The following AK5 variants were observed in gnomAD, a reference collection of about 807,000 sequenced individuals.
The protein encoded by AK5 is adenylate kinase 5.
In AK5, 27 loss-of-function variants were observed where a neutral mutation model predicts 69.5. The ratio of observed to expected loss-of-function variants is 0.39; its 90% CI spans 0.29 to 0.54. The LOEUF is 0.54. Among genes scored for constraint, AK5 ranks in the 20% least tolerant of loss-of-function variants. The pLI is 0.71. For synonymous variants in AK5, 260 were observed against 244.4 expected (o/e 1.06, Z -0.60); for missense variants, 531 against 700.4 (o/e 0.76, Z 2.73).
chr1:77,282,451 C>G (rs953160948), intron 1 of AK5, 78 bp downstream of exon 1: 2 of 1,489,770 alleles, frequency 1.3e-6, no homozygotes, highest in Non-Finnish European at 1.8e-6. Context: ...AGCCGCGCCC[C>G]GTCCCACCTT....
At chr1:77,502,324 T>G (rs886671790) in intron 10 of AK5, among the ~76,000 whole-genome samples, 4 of 152,176 alleles carry the variant, frequency 2.6e-5, no homozygotes, top group Non-Finnish European at 4.4e-5. Context: ...CCTTATGTCC[T>G]AAGCCCATTA....
intron 6 of AK5, among the ~76,000 whole-genome samples, chr1:77,391,293 T>A (rs115868278): frequency 0.013 from 1,999 of 151,626 alleles, 12 homozygotes; most frequent in Middle Eastern, 0.024. Flanking sequence ...AGTGAGCTCT[T>A]AGCTCTTAGC....
At chr1:77,408,403 A>T (rs4342893) in intron 6 of AK5, among the ~76,000 whole-genome samples, 13,614 of 151,936 alleles carry the variant, frequency 0.09, 825 homozygotes, top group African/African-American at 0.16. Context: ...GCATTTTTTC[A>T]TGTTTTTTGG....
At chr1:77,486,165 T>C in intron 9 of AK5, 143 bp from the exon 10 acceptor site, 1 of 589,206 alleles carries the variant, frequency 1.7e-6, no homozygotes, top group South Asian at 1.7e-5. Flanking sequence ...TGCCTACTAA[T>C]TGTAGCCTAT....
intron 10 of AK5, among the ~76,000 whole-genome samples, chr1:77,490,048 G>T (rs1162871350): frequency 6.6e-6 from 1 of 152,030 alleles, no homozygotes; most frequent in African/African-American, 2.4e-5. Context: ...CATTCATTTG[G>T]GTACTACTTA....
intron 5 of AK5, among the ~76,000 whole-genome samples, chr1:77,333,474 T>G (rs1373626287): frequency 6.6e-6 from 1 of 152,246 alleles, no homozygotes; most frequent in Non-Finnish European, 1.5e-5. Flanking sequence ...CTTCTATTTG[T>G]TCCACTTGTT....
At chr1:77,435,930 T>G (rs887702235) in intron 8 of AK5, among the ~76,000 whole-genome samples, 1 of 152,326 alleles carries the variant, frequency 6.6e-6, no homozygotes, top group Admixed American at 6.5e-5. Context: ...TTTATAAAAT[T>G]CATCCCTCAA....
chr1:77,479,765 ACTC>A (rs1342384843), intron 8 of AK5, among the ~76,000 whole-genome samples: 2 of 152,068 alleles, frequency 1.3e-5, no homozygotes, highest in Non-Finnish European at 2.9e-5. Flanking sequence ...ACAAAGCCTA[ACTC>A]CATAATTCAG....
intron 13 of AK5, among the ~76,000 whole-genome samples, chr1:77,537,228 G>A (rs564756609): frequency 3.9e-5 from 6 of 152,238 alleles, no homozygotes; most frequent in Admixed American, 2.0e-4. Context: ...TCTCTGAAGC[G>A]GGGGTGCACG....
At chr1:77,545,961 A>T (rs967630965) in intron 13 of AK5, among the ~76,000 whole-genome samples, 1 of 152,154 alleles carries the variant, frequency 6.6e-6, no homozygotes, top group Non-Finnish European at 1.5e-5. Context: ...TCTGGCTCTG[A>T]GAGACTTAAG....
intron 6 of AK5, among the ~76,000 whole-genome samples, chr1:77,367,551 T>TATATATATATATA (rs1646974840): frequency 3.0e-4 from 6 of 19,714 alleles, no homozygotes; most frequent in Admixed American, 7.9e-4. Flanking sequence ...CTCATTTATG[T>TATATATATATATA]TATTTTTATA....
intron 10 of AK5, among the ~76,000 whole-genome samples, chr1:77,496,316 T>C (rs1656312763): frequency 6.6e-6 from 1 of 152,204 alleles, no homozygotes; most frequent in Admixed American, 6.5e-5. Flanking sequence ...AGGCAAAATC[T>C]GGGTCATGAG....
At chr1:77,542,493 G>C (rs141986498) in intron 13 of AK5, among the ~76,000 whole-genome samples, 61 of 152,280 alleles carry the variant, frequency 4.0e-4, no homozygotes, top group African/African-American at 1.4e-3. Context: ...ATGGTTACCT[G>C]GGACTCTTCC....
At chr1:77,323,557 T>C (rs1304714959) in intron 5 of AK5, among the ~76,000 whole-genome samples, 2 of 152,228 alleles carry the variant, frequency 1.3e-5, no homozygotes, top group Non-Finnish European at 2.9e-5. Flanking sequence ...CAATATTTAC[T>C]GAATGAATGA....
chr1:77,438,422 G>T (rs1168482070), intron 8 of AK5, among the ~76,000 whole-genome samples: 2 of 151,732 alleles, frequency 1.3e-5, no homozygotes, highest in Admixed American at 6.6e-5. Flanking sequence ...AGAAAAACTG[G>T]CATGCCTTAA....
intron 6 of AK5, among the ~76,000 whole-genome samples, chr1:77,352,191 G>A (rs1286191212): frequency 6.6e-6 from 1 of 151,966 alleles, no homozygotes; most frequent in Non-Finnish European, 1.5e-5. Context: ...GCCTCCCAAA[G>A]TGCTGGAATT....
At chr1:77,444,425 T>G (rs1652598799) in intron 8 of AK5, among the ~76,000 whole-genome samples, 1 of 61,616 alleles carries the variant, frequency 1.6e-5, no homozygotes, top group Non-Finnish European at 2.8e-5. Context: ...AGTATATACA[T>G]AGTATAAATA....
intron 8 of AK5, among the ~76,000 whole-genome samples, chr1:77,426,321 G>A (rs1651206143): frequency 6.6e-6 from 1 of 152,136 alleles, no homozygotes; most frequent in Non-Finnish European, 1.5e-5. Context: ...AAAGAAAGCA[G>A]GAGTTGCTAT....
At chr1:77,492,538 A>G (rs554220297) in intron 10 of AK5, among the ~76,000 whole-genome samples, 1 of 152,342 alleles carries the variant, frequency 6.6e-6, no homozygotes, top group African/African-American at 2.4e-5. Context: ...CATACATAGG[A>G]CAGAGAGAAA....
Sources: allele counts gnomAD v4.1 joint callset (sites outside exome capture counted in the v4.1 genomes callset), GRCh38; gene constraint gnomAD v4.1.1; transcripts MANE v1.5; gene names NCBI Gene and HGNC (gene_info 2026-07-23, HGNC 2026-07-21).